SULF1: variants seen among roughly 807,000 people sequenced by gnomAD.
SULF1 encodes the protein extracellular sulfatase Sulf-1.
SULF1 carries 46 observed loss-of-function variants against 110.5 expected under a neutral mutation model. That is an observed-to-expected ratio of 0.42 (90% CI 0.33 to 0.53). SULF1 has a LOEUF of 0.53. Among genes scored for constraint, SULF1 ranks in the 20% least tolerant of loss-of-function variants. SULF1 has a pLI of 0.12. For missense variants in SULF1, 941 were observed against 1,094.2 expected (o/e 0.86, Z 1.98); for synonymous variants, 371 against 387.1 (o/e 0.96, Z 0.49).
At chr8:69,537,460 T>A (rs997157238) in intron 3 of SULF1, among the ~76,000 whole-genome samples, 7 of 152,220 alleles carry the variant, frequency 4.6e-5, no homozygotes, top group Non-Finnish European at 7.3e-5. Context: ...GTTAAGAGAT[T>A]TTTTTTGAAC....
rs553605030 is a variant in SULF1, at chr8:69,515,007, G to A, written c.-134+13039G>A. Among the ~76,000 whole-genome samples, 22 of 152,274 alleles carry A rather than the reference G, an allele frequency of 1.4e-4. No homozygotes were observed. The South Asian group carries it at 4.6e-3, about 32-fold the overall frequency. ...CACAGGCTAGCATTGAGTGCCTGTGGCTTTTGTAGGTGCAGAGTGCATGTG... is the reference window on the plus strand; with the variant it reads ...CACAGGCTAGCATTGAGTGCCTGTGACTTTTGTAGGTGCAGAGTGCATGTG... On this transcript the variant is annotated intron_variant, in intron 3 of 22. Transcript: ENST00000402687.
intron 3 of SULF1, among the ~76,000 whole-genome samples, chr8:69,504,008 C>G (rs1810992188): frequency 6.6e-6 from 1 of 152,000 alleles, no homozygotes; most frequent in Admixed American, 6.5e-5. Context: ...CCATGTTGGC[C>G]AGGATGGTCT....
At chr8:69,642,025 G>A (rs1811518256) in intron 22 of SULF1, among the ~76,000 whole-genome samples, 2 of 152,224 alleles carry the variant, frequency 1.3e-5, no homozygotes, top group South Asian at 4.2e-4. Flanking sequence ...TACCGCCTCT[G>A]CTGAGACAAA....
intron 3 of SULF1, among the ~76,000 whole-genome samples, chr8:69,560,563 T>C (rs1307430658): frequency 6.6e-6 from 1 of 152,202 alleles, no homozygotes. Flanking sequence ...ACTCTGTATG[T>C]ATAAGAAAAA....
At chr8:69,591,596 A>T (rs921307630) in intron 8 of SULF1, among the ~76,000 whole-genome samples, 1 of 151,904 alleles carries the variant, frequency 6.6e-6, no homozygotes, top group Non-Finnish European at 1.5e-5. Flanking sequence ...AAAGAAAAAC[A>T]TCTCTGATTC....
Position 69,576,182 on chromosome 8 carries a change from T to C in SULF1, c.385T>C (p.Tyr129His), listed in dbSNP as rs895273599. ...GCATGAGCCTCGGACTTTTGCTGTA[T>C]ATCTTAACAACACTGGCTACAGAAC... is the stretch of plus-strand genomic sequence containing the variant. Reference protein sequence around the residue: ...AMHEPRTFAVYLNNTGYRTAF... With the variant: ...AMHEPRTFAVHLNNTGYRTAF... The change falls in exon 6 of 23, where the codon TAT becomes CAT. Residue 129 changes from tyrosine to histidine, a missense_variant. Tyr to His is a moderately conservative substitution (Grantham distance 83, BLOSUM62 2). This residue lies in a region of SULF1 where 822 missense variants were observed against 934.3 expected (regional missense o/e 0.88). Coordinates refer to ENST00000402687, the MANE Select transcript of SULF1 (RefSeq NM_001128205.2). 3 of 1,614,104 alleles carry C rather than the reference T, an allele frequency of 1.9e-6. No homozygotes were observed. The highest frequency in any genetic ancestry group is 1.7e-5 in the Admixed American group (1 of 60,008).
intron 5 of SULF1, among the ~76,000 whole-genome samples, chr8:69,568,310 A>G (rs1009397119): frequency 6.6e-6 from 1 of 152,230 alleles, no homozygotes; most frequent in African/African-American, 2.4e-5. Context: ...TTATCTAGAA[A>G]GATGAAGGCT....
At chr8:69,521,640 G>A (rs932320667) in intron 3 of SULF1, among the ~76,000 whole-genome samples, 1 of 152,124 alleles carries the variant, frequency 6.6e-6, no homozygotes, top group Non-Finnish European at 1.5e-5. Flanking sequence ...TGGGAGAGTG[G>A]TAGGAAATGA....
At chr8:69,523,802 G>A (rs1372645581) in intron 3 of SULF1, among the ~76,000 whole-genome samples, 1 of 152,112 alleles carries the variant, frequency 6.6e-6, no homozygotes, top group Non-Finnish European at 1.5e-5. Context: ...CATACTAAGA[G>A]CAATGATCAG....
At chr8:69,546,368 C>T (rs972249835) in intron 3 of SULF1, among the ~76,000 whole-genome samples, 2 of 152,048 alleles carry the variant, frequency 1.3e-5, no homozygotes, top group Admixed American at 1.3e-4. Context: ...TACATTTATC[C>T]CCGTGGTCAG....
intron 22 of SULF1, among the ~76,000 whole-genome samples, chr8:69,653,756 G>A (rs1270176197): frequency 6.6e-6 from 1 of 152,130 alleles, no homozygotes; most frequent in Non-Finnish European, 1.5e-5. Flanking sequence ...TCCCAACCTA[G>A]AGCTGTCTAG....
Position 69,589,073 on chromosome 8 carries a change from T to C in SULF1, c.666T>C (p.Ala222=). 1.2e-6 allele frequency: 2 copies of C among 1,614,226 alleles called. No homozygotes were observed. Among genetic ancestry groups the C allele is most frequent in the Non-Finnish European group, 1.7e-6 (2 of 1,180,026 alleles). Residue 222 remains alanine, a synonymous_variant, in exon 8 of 23, where the codon GCT becomes GCC. Transcript: ENST00000402687. Reference sequence around the variant, plus strand: ...CCGTTATGATGGTGATCAGCCACGCTGCGCCCCACGGCCCCGAGGACTCAG... The same window carrying C: ...CCGTTATGATGGTGATCAGCCACGCCGCGCCCCACGGCCCCGAGGACTCAG... ...HRPVMMVISH[A]APHGPEDSAP...
At chr8:69,506,715 C>T (rs879064251) in intron 3 of SULF1, among the ~76,000 whole-genome samples, 1 of 152,166 alleles carries the variant, frequency 6.6e-6, no homozygotes, top group Admixed American at 6.5e-5. Context: ...AAGGAAAACT[C>T]TTTGCTCTTG....
chr8:69,615,562 ATGTG>A (rs1471582523), intron 13 of SULF1, among the ~76,000 whole-genome samples: 1 of 152,158 alleles, frequency 6.6e-6, no homozygotes, highest in East Asian at 1.9e-4. Flanking sequence ...TCATCCAAGT[ATGTG>A]TGTAGATATA....
intron 3 of SULF1, among the ~76,000 whole-genome samples, chr8:69,540,418 G>C (rs1229830349): frequency 6.6e-6 from 1 of 152,206 alleles, no homozygotes; most frequent in Non-Finnish European, 1.5e-5. Flanking sequence ...AAGACAGGCA[G>C]GGCTATTATA....
In SULF1 at chr8:69,600,925, G is replaced by A. The variant is rs1284586392; in HGVS notation, c.885+172G>A. 3.9e-5 allele frequency among the ~76,000 whole-genome samples: 6 copies of A among 152,132 alleles called. No individual in the cohort carries two copies. The East Asian group carries it at 1.2e-3, about 29-fold the overall frequency. The stretch of plus-strand genomic sequence containing the variant: ...GGCTTAATCATCCCTCCCTTATCTT[G>A]TCCTCATTCCATCTACCTCTCCAGG... On this transcript the variant is annotated intron_variant, in intron 9 of 22. Transcript: ENST00000402687.
intron 6 of SULF1, among the ~76,000 whole-genome samples, chr8:69,578,185 G>A (rs754528796): frequency 6.6e-6 from 1 of 152,052 alleles, no homozygotes; most frequent in Non-Finnish European, 1.5e-5. Context: ...TACTTGCTTC[G>A]GTTATACTGT....
At chr8:69,634,027 A>G (rs1478701340) in intron 19 of SULF1, among the ~76,000 whole-genome samples, 1 of 152,240 alleles carries the variant, frequency 6.6e-6, no homozygotes, top group Non-Finnish European at 1.5e-5. Context: ...GTTCACATAT[A>G]AATAATATGT....
intron 22 of SULF1, among the ~76,000 whole-genome samples, chr8:69,647,043 C>A (rs979074865): frequency 2.1e-5 from 3 of 144,658 alleles, no homozygotes; most frequent in Non-Finnish European, 4.5e-5. Flanking sequence ...CTCCCAGGTT[C>A]AAGCAATTCC....
Sources: gnomAD v4.1 joint callset for allele counts (sites outside exome capture counted in the v4.1 genomes callset) on GRCh38, gnomAD v4.1.1 for gene constraint, gnomAD v4.1.1 regional missense constraint, MANE v1.5 for transcripts, NCBI Gene and HGNC (gene_info 2026-07-23, HGNC 2026-07-21) for gene names.